DPH5: variants seen among roughly 807,000 people sequenced by gnomAD.
DPH5 encodes the protein diphthine methyl ester synthase.
In DPH5, 31 loss-of-function variants were observed where a neutral mutation model predicts 31.6. The observed-to-expected ratio is 0.98, with a 90% confidence interval of 0.74 to 1.32. The LOEUF is 1.32. DPH5 is among the 40% of genes most tolerant of loss of function. DPH5 has a pLI of 0.00. For synonymous variants in DPH5, 120 were observed against 115.0 expected, an observed-to-expected ratio of 1.04 and a Z score of -0.28; for missense variants, 309 against 335.7, an observed-to-expected ratio of 0.92 and a Z score of 0.62.
chr1:100,998,603 A>G (rs1445897489), intron 5 of DPH5, among the ~76,000 whole-genome samples: 1 of 152,206 alleles, frequency 6.6e-6, no homozygotes, highest in Non-Finnish European at 1.5e-5. Context: ...ATGGGTCATA[A>G]GACCAAGTCT....
At chr1:101,012,561 A>G (rs946232324) in intron 4 of DPH5, among the ~76,000 whole-genome samples, 4 of 152,218 alleles carry the variant, frequency 2.6e-5, no homozygotes, top group Non-Finnish European at 4.4e-5. Context: ...CTAACATTTT[A>G]TAGTTCTATG....
chr1:101,002,645 C>T (rs934414920), intron 4 of DPH5, among the ~76,000 whole-genome samples: 2 of 152,152 alleles, frequency 1.3e-5, no homozygotes, highest in African/African-American at 4.8e-5. Context: ...GCACTAGACT[C>T]ACATCTAGTC....
At chr1:101,020,587 T>A (rs1362026253) in intron 3 of DPH5, among the ~76,000 whole-genome samples, 1 of 151,710 alleles carries the variant, frequency 6.6e-6, no homozygotes, top group Non-Finnish European at 1.5e-5. Flanking sequence ...TTATCTAGGA[T>A]GACCTCCCAT....
chr1:100,995,260 A>G, intron 5 of DPH5, 111 bp from the exon 6 acceptor site: 1 of 609,186 alleles, frequency 1.6e-6, no homozygotes, highest in Non-Finnish European at 2.9e-6. Flanking sequence ...CTCTTCCCTC[A>G]CATTTTAATT....
chr1:101,006,850 T>C (rs1659266014), intron 4 of DPH5, among the ~76,000 whole-genome samples: 1 of 152,320 alleles, frequency 6.6e-6, no homozygotes, highest in Admixed American at 6.5e-5. Flanking sequence ...AGGTCACTCA[T>C]GCAATAGCAA....
chr1:100,992,836 C>T, intron 6 of DPH5, 96 bp from the exon 7 acceptor site: 2 of 757,058 alleles, frequency 2.6e-6, no homozygotes, highest in South Asian at 3.6e-5. Context: ...TCAAGTACCA[C>T]AGTCTACATT....
Position 100,990,325 on chromosome 1 carries a change from T to A in DPH5, c.*83A>T, listed in dbSNP as rs1284255489. 2.3e-6 allele frequency: 3 copies of A among 1,280,654 alleles called. No homozygotes were observed. The African/African-American group carries it at 4.4e-5, about 19-fold the overall frequency. The allele number at this position is 1,280,654 out of a possible 1,614,324, so 79.3% of individuals were successfully genotyped here. ...GAATTATGAGGATTAAAATTCAAGATGAGACTTGGGTGGGGATACATCCAA... is the reference window on the plus strand; with the variant it reads ...GAATTATGAGGATTAAAATTCAAGAAGAGACTTGGGTGGGGATACATCCAA... On this transcript the variant is annotated 3_prime_UTR_variant, in exon 8 of 8. Coordinates refer to ENST00000370109, the MANE Select transcript of DPH5 (RefSeq NM_015958.3).
chr1:100,997,839 C>T (rs181796502), intron 5 of DPH5, among the ~76,000 whole-genome samples: 8 of 152,192 alleles, frequency 5.3e-5, no homozygotes, highest in African/African-American at 1.9e-4. Flanking sequence ...ACTTCTTTAG[C>T]AAAAGTCCTT....
At chr1:101,008,655 A>G (rs1185461852) in intron 4 of DPH5, among the ~76,000 whole-genome samples, 1 of 151,320 alleles carries the variant, frequency 6.6e-6, no homozygotes, top group Non-Finnish European at 1.5e-5. Context: ...ACATATTTGT[A>G]TGTGTGTGTG....
intron 5 of DPH5, among the ~76,000 whole-genome samples, chr1:100,999,989 T>A (rs191356756): frequency 1.3e-5 from 2 of 150,948 alleles, no homozygotes; most frequent in Admixed American, 6.6e-5. Flanking sequence ...CTAAAAAAAA[T>A]ACAAAAAATT....
At chr1:101,003,574 C>G (rs956280923) in intron 4 of DPH5, among the ~76,000 whole-genome samples, 1 of 152,258 alleles carries the variant, frequency 6.6e-6, no homozygotes, top group South Asian at 2.1e-4. Flanking sequence ...GGTATAATAA[C>G]TGTAAACATA....
At chr1:101,010,078 T>G (rs1264781791) in intron 4 of DPH5, among the ~76,000 whole-genome samples, 1 of 152,232 alleles carries the variant, frequency 6.6e-6, no homozygotes, top group Non-Finnish European at 1.5e-5. Flanking sequence ...ATATTTATCA[T>G]TTTATTGATG....
rs1198873782 is a variant in DPH5 at position 101,025,704 on chromosome 1, G to C, written c.-45C>G. On this transcript the variant is annotated 5_prime_UTR_variant, in exon 1 of 8. Transcript: ENST00000370109. ...TTACCCGCTGAGAGAATCGTAGGTAGTTCTCTGGCCTTTACAAATTCTTAA... is the reference window on the plus strand; with the variant it reads ...TTACCCGCTGAGAGAATCGTAGGTACTTCTCTGGCCTTTACAAATTCTTAA... The C allele has an allele frequency of 4.1e-6, 2 of 490,066 alleles. No homozygotes were observed. The highest frequency in any genetic ancestry group is 7.4e-6 in the Non-Finnish European group (2 of 271,464). 30.4% of individuals were successfully genotyped at this position (490,066 alleles called of 1,614,324 possible).
In DPH5 at chr1:101,012,664, T is replaced by C. The variant is rs368738146; in HGVS notation, c.369+1046A>G. ...AATGGGCAAGGTTTTTTAAAAAGTA[T>C]GCATTTTGGACAAAAAAGATAGCAA... On this transcript the variant is annotated intron_variant, in intron 4 of 7. Coordinates refer to ENST00000370109, the MANE Select transcript of DPH5 (RefSeq NM_015958.3). 1.5e-4 allele frequency among the ~76,000 whole-genome samples: 23 copies of C among 152,346 alleles called. No homozygotes were observed. In the East Asian group the frequency reaches 3.7e-3, roughly 24 times the overall value.
chr1:100,991,192 T>G (rs1657661687), intron 7 of DPH5, among the ~76,000 whole-genome samples: 1 of 152,238 alleles, frequency 6.6e-6, no homozygotes, highest in Admixed American at 6.5e-5. Context: ...ATAGATTCCT[T>G]AACAAATAAT....
In DPH5 at chr1:100,989,673, A is replaced by G. The variant is rs1264564705; in HGVS notation, c.*735T>C. 4.6e-5 allele frequency: 7 copies of G among 152,176 alleles called. No individual in the cohort carries two copies. Among genetic ancestry groups the G allele is most frequent in the Admixed American group, 4.6e-4 (7 of 15,284 alleles). 9.4% of individuals were successfully genotyped at this position (152,176 alleles called of 1,614,324 possible). On this transcript the variant is annotated 3_prime_UTR_variant, in exon 8 of 8. Coordinates refer to ENST00000370109, the MANE Select transcript of DPH5 (RefSeq NM_015958.3). ...ATTTGCTTTTCTTGGCACTCATAAC[A>G]TTTTTTACCCTTTAAAACAGATTCA...
intron 4 of DPH5, among the ~76,000 whole-genome samples, chr1:101,005,819 A>G (rs1348157413): frequency 6.6e-6 from 1 of 152,170 alleles, no homozygotes; most frequent in Non-Finnish European, 1.5e-5. Context: ...AAAGTCATAA[A>G]CATATATAAC....
In DPH5 at chr1:101,025,365, T is replaced by G; in HGVS notation, c.79A>C (p.Ser27Arg). 1 of 1,614,206 alleles carries G rather than the reference T, an allele frequency of 6.2e-7. No individual in the cohort carries two copies. The highest frequency in any genetic ancestry group is 8.5e-7 in the Non-Finnish European group (1 of 1,180,034). ...VKGLEVVRRC[S>R]RVYLEAYTSV... Reference sequence around the variant, plus strand: ...GTGTAGGCTTCCAGATACACTCGACTGCAGCGTCTAACAACTTCCAGGCCC... The same window carrying G: ...GTGTAGGCTTCCAGATACACTCGACGGCAGCGTCTAACAACTTCCAGGCCC... Residue 27 changes from serine to arginine, a missense_variant, in exon 2 of 8, where the codon AGT becomes CGT. Coordinates refer to ENST00000370109, the MANE Select transcript of DPH5 (RefSeq NM_015958.3).
intron 3 of DPH5, among the ~76,000 whole-genome samples, chr1:101,019,370 T>C (rs1660297821): frequency 6.6e-6 from 1 of 152,200 alleles, no homozygotes; most frequent in East Asian, 1.9e-4. Flanking sequence ...ACAGTGCTGA[T>C]AGTTGCACAA....
Sources: gnomAD v4.1 joint callset for allele counts (sites outside exome capture counted in the v4.1 genomes callset) on GRCh38, gnomAD v4.1.1 for gene constraint, MANE v1.5 for transcripts, NCBI Gene and HGNC (gene_info 2026-07-23, HGNC 2026-07-21) for gene names.